Variants in NAV3 observed in about 807,000 individuals in gnomAD.
NAV3 encodes the protein neuron navigator 3.
NAV3 carries 87 observed loss-of-function variants against 244.7 expected under a neutral mutation model. The ratio of observed to expected loss-of-function variants is 0.36; its 90% CI spans 0.30 to 0.42. The LOEUF (loss-of-function observed/expected upper bound fraction) is 0.42, where lower values mean the gene tolerates loss of function less well. Ranked by LOEUF, NAV3 falls within the 20% of genes least tolerant of loss-of-function variation. The probability of loss-of-function intolerance (pLI) is 1.00; values close to 1 mark genes in which losing one functional copy is unlikely to be tolerated. For synonymous variants in NAV3, 1,126 were observed against 1,042.2 expected, an observed-to-expected ratio of 1.08 and a Z score of -1.55; for missense variants, 2,663 against 2,893.3, an observed-to-expected ratio of 0.92 and a Z score of 1.83.
At chr12:77,696,524 A>G (rs1173484272) in intron 2 of NAV3, among the ~76,000 whole-genome samples, 1 of 152,096 alleles carries the variant, frequency 6.6e-6, no homozygotes, top group Admixed American at 6.6e-5. Flanking sequence ...CATGTCTAGC[A>G]CTTTGGAGAG....
rs1201107624 is a variant in NAV3, at chr12:77,654,522, T to G, written c.72+82256T>G. ...TGCCTCTGTAGGCTCCACCTCTGGG[T>G]GTCGGGCACAGACAAACAAAAAGAC... On this transcript the variant is annotated intron_variant, in intron 2 of 8. Coordinates refer to the NAV3 transcript ENST00000550042. 1.9e-4 allele frequency among the ~76,000 whole-genome samples: 29 copies of G among 152,214 alleles called. No individual in the cohort carries two copies. The South Asian group carries it at 5.2e-3, about 27-fold the overall frequency.
intron 2 of NAV3, among the ~76,000 whole-genome samples, chr12:77,789,493 T>A (rs1383033578): frequency 7.9e-6 from 1 of 126,526 alleles, no homozygotes; most frequent in Non-Finnish European, 1.7e-5. Context: ...CTAACACTAA[T>A]GATCGCTAAT....
At chr12:77,693,114 C>A (rs1266220720) in intron 2 of NAV3, among the ~76,000 whole-genome samples, 1 of 152,098 alleles carries the variant, frequency 6.6e-6, no homozygotes, top group African/African-American at 2.4e-5. Context: ...AAGGGGTAGT[C>A]AGTGCCAGTC....
intron 31 of NAV3, among the ~76,000 whole-genome samples, chr12:78,186,226 G>A (rs1349650957): frequency 6.6e-6 from 1 of 151,750 alleles, no homozygotes; most frequent in East Asian, 1.9e-4. Context: ...ATGAAATATT[G>A]CCTTCAAATT....
At chr12:77,744,710 C>A (rs1868447413) in intron 2 of NAV3, among the ~76,000 whole-genome samples, 1 of 151,726 alleles carries the variant, frequency 6.6e-6, no homozygotes, top group African/African-American at 2.4e-5. Context: ...AGTATCAAAC[C>A]TCCCGTAATG....
chr12:77,842,842 G>A (rs1180706828), intron 1 of NAV3, among the ~76,000 whole-genome samples: 2 of 152,234 alleles, frequency 1.3e-5, no homozygotes, highest in East Asian at 3.9e-4. Context: ...TGTAGATTTA[G>A]TTGTGGTATA....
At chr12:78,139,936 C>T (rs566329640) in intron 19 of NAV3, among the ~76,000 whole-genome samples, 26 of 152,070 alleles carry the variant, frequency 1.7e-4, no homozygotes, top group South Asian at 4.2e-4. Flanking sequence ...TTTTAAGGTT[C>T]GAAAGTTTAT....
chr12:77,786,995 C>T (rs755903862), intron 2 of NAV3, among the ~76,000 whole-genome samples: 13 of 151,944 alleles, frequency 8.6e-5, no homozygotes, highest in African/African-American at 2.9e-4. Context: ...ACTATAAGTT[C>T]GTTGAAAAGT....
chr12:77,906,570 T>C (rs1449863785), intron 1 of NAV3, among the ~76,000 whole-genome samples: 1 of 151,968 alleles, frequency 6.6e-6, no homozygotes, highest in Non-Finnish European at 1.5e-5. Context: ...GATTAGGAAA[T>C]AATGTCCAGG....
intron 13 of NAV3, 58 bp downstream of exon 13, chr12:78,116,962 C>G: frequency 6.3e-7 from 1 of 1,589,816 alleles, no homozygotes. Flanking sequence ...CCCAAAATTA[C>G]TTAATATTAG....
At chr12:77,897,827 G>T (rs1327610416) in intron 1 of NAV3, among the ~76,000 whole-genome samples, 2 of 151,986 alleles carry the variant, frequency 1.3e-5, no homozygotes, top group East Asian at 1.9e-4. Flanking sequence ...CACTAAAGAA[G>T]CCTCAAGAGT....
intron 9 of NAV3, among the ~76,000 whole-genome samples, chr12:78,024,217 T>C (rs1877621780): frequency 6.6e-6 from 1 of 152,202 alleles, no homozygotes; most frequent in Non-Finnish European, 1.5e-5. Context: ...CTAACTCCAT[T>C]GCCTCTCTCT....
intron 18 of NAV3, among the ~76,000 whole-genome samples, chr12:78,133,315 C>T (rs1227009280): frequency 2.0e-5 from 3 of 151,776 alleles, no homozygotes; most frequent in Non-Finnish European, 4.4e-5. Flanking sequence ...TTACAGTTCA[C>T]CTGAACCTCT....
intron 1 of NAV3, among the ~76,000 whole-genome samples, chr12:77,836,151 C>A (rs550434960): frequency 3.9e-4 from 60 of 152,286 alleles, no homozygotes; most frequent in African/African-American, 1.2e-3. Flanking sequence ...TGCCTTGGAA[C>A]CTTTACTTAA....
At chr12:77,886,182 C>T (rs962622329) in intron 1 of NAV3, among the ~76,000 whole-genome samples, 3 of 152,104 alleles carry the variant, frequency 2.0e-5, no homozygotes, top group East Asian at 1.9e-4. Context: ...TCTCTATAGC[C>T]GCAGGGTTAA....
At chr12:78,125,335 A>G (rs937201751) in intron 16 of NAV3, among the ~76,000 whole-genome samples, 2 of 152,160 alleles carry the variant, frequency 1.3e-5, no homozygotes, top group East Asian at 3.9e-4. Flanking sequence ...AGCTTTTCCT[A>G]TAGATTTTAA....
intron 2 of NAV3, among the ~76,000 whole-genome samples, chr12:77,813,993 T>C (rs1406399290): frequency 6.6e-6 from 1 of 152,160 alleles, no homozygotes; most frequent in Non-Finnish European, 1.5e-5. Flanking sequence ...TCATCATTAG[T>C]AGCAGCATTT....
intron 2 of NAV3, among the ~76,000 whole-genome samples, chr12:77,825,140 G>A (rs1240746146): frequency 6.6e-6 from 1 of 152,050 alleles, no homozygotes; most frequent in Non-Finnish European, 1.5e-5. Flanking sequence ...CAAAAACGGA[G>A]GCAAAGCAAA....
At chr12:77,693,452 A>G (rs1875130617) in intron 2 of NAV3, among the ~76,000 whole-genome samples, 1 of 151,908 alleles carries the variant, frequency 6.6e-6, no homozygotes, top group Non-Finnish European at 1.5e-5. Flanking sequence ...ATCTAGTATC[A>G]GTTGAATGAC....
Sources: gnomAD v4.1 joint callset for allele counts (sites outside exome capture counted in the v4.1 genomes callset) on GRCh38, gnomAD v4.1.1 for gene constraint, MANE v1.5 for transcripts, NCBI Gene and HGNC (gene_info 2026-07-23, HGNC 2026-07-21) for gene names.